The following ANKUB1 variants were observed in gnomAD, a reference collection of about 807,000 sequenced individuals.
ANKUB1 encodes the protein ankyrin repeat and ubiquitin domain containing 1, also known as protein ANKUB1.
ANKUB1 carries 42 observed loss-of-function variants against 49.3 expected under a neutral mutation model. That is an observed-to-expected ratio of 0.85 (90% confidence interval 0.67 to 1.10). ANKUB1 has a LOEUF of 1.10. Among genes scored for constraint, ANKUB1 ranks in the 50% least tolerant of loss-of-function variants. ANKUB1 has a pLI of 0.00. For missense variants in ANKUB1, 613 were observed against 642.0 expected (o/e 0.95, Z 0.49); for synonymous variants, 222 against 231.0 (o/e 0.96, Z 0.35).
chr3:149,772,828 C>G (rs187705128), intron 3 of ANKUB1, among the ~76,000 whole-genome samples: 3 of 152,350 alleles, frequency 2.0e-5, no homozygotes, highest in Admixed American at 2.0e-4. Flanking sequence ...GCCCTCCTAA[C>G]CGAGCAGGTT....
At chr3:149,762,347 T>A (rs775303708) in intron 5 of ANKUB1, among the ~76,000 whole-genome samples, 69 of 152,226 alleles carry the variant, frequency 4.5e-4, no homozygotes, top group Admixed American at 1.0e-3. Flanking sequence ...AACATATCTT[T>A]ATCTTCTTCC....
At chr3:149,769,283 C>T (rs376759150) in intron 4 of ANKUB1, among the ~76,000 whole-genome samples, 61 of 152,230 alleles carry the variant, frequency 4.0e-4, no homozygotes, top group African/African-American at 1.5e-3. Context: ...TTAAAATGAC[C>T]GCCTGCCTCT....
chr3:149,790,510 G>T (rs369950483), intron 2 of ANKUB1, among the ~76,000 whole-genome samples: 4 of 152,140 alleles, frequency 2.6e-5, no homozygotes, highest in African/African-American at 9.6e-5. Context: ...TTTTCATATC[G>T]GTTCTGAGAT....
chr3:149,787,707 A>G, intron 2 of ANKUB1, among the ~76,000 whole-genome samples: 1 of 152,232 alleles, frequency 6.6e-6, no homozygotes, highest in Non-Finnish European at 1.5e-5. Flanking sequence ...CCATTAAAAG[A>G]AAAGCGTAAT....
intron 3 of ANKUB1, among the ~76,000 whole-genome samples, chr3:149,776,814 C>T (rs1039049284): frequency 3.3e-5 from 5 of 151,628 alleles, no homozygotes; most frequent in African/African-American, 1.2e-4. Context: ...TACACACACA[C>T]ACACACACAC....
rs11268295 is a variant in ANKUB1 at position 149,766,817 on chromosome 3, AAGCAGCAGCAGCAGCAGC to A, written c.1505+322_1505+339del. The A allele has an allele frequency of 2.7e-3, 2,455 of 900,800 alleles. 81 individuals carry two copies. The highest frequency in any genetic ancestry group is 0.015 in the African/African-American group (892 of 59,174). The allele number at this position is 900,800 out of a possible 1,614,324, so 55.8% of individuals were successfully genotyped here. ...TGTCTCAAACAAAAAGAAAAAAGAA[AAGCAGCAGCAGCAGCAGC>A]AGCAGCAGCAGCAGCAGCAGCAGCA... On this transcript the variant is annotated intron_variant, in intron 5 of 5. Transcript: ENST00000446160.
intron 2 of ANKUB1, among the ~76,000 whole-genome samples, chr3:149,784,149 A>G (rs2108278156): frequency 6.6e-6 from 1 of 152,302 alleles, no homozygotes; most frequent in Middle Eastern, 3.4e-3. Context: ...CAGTTAACTC[A>G]ATCTCTCAGC....
At position 149,767,225 on chromosome 3, in the gene ANKUB1, G is replaced by A. The variant is rs1717066889; in HGVS notation, c.1437C>T (p.Phe479=). The A allele has an allele frequency of 6.4e-6, 10 of 1,550,666 alleles. No individual in the cohort carries two copies. In the South Asian group the frequency reaches 9.6e-5, roughly 15 times the overall value. Residue 479 remains phenylalanine, a synonymous_variant, in exon 5 of 6, where the codon TTC becomes TTT. Coordinates refer to ENST00000446160, the MANE Select transcript of ANKUB1 (RefSeq NM_001144960.3). ...PSADFLLKSS[F]SSFLEHSGKT... Reference sequence around the variant, plus strand: ...TCCCACTGTGCTCTAAGAAAGATGAGAAGGAGGACTTCAGTAAAAAGTCAG... The same window carrying A: ...TCCCACTGTGCTCTAAGAAAGATGAAAAGGAGGACTTCAGTAAAAAGTCAG...
intron 4 of ANKUB1, among the ~76,000 whole-genome samples, chr3:149,769,177 TA>T (rs1717213382): frequency 6.6e-6 from 1 of 152,172 alleles, no homozygotes; most frequent in Non-Finnish European, 1.5e-5. Context: ...AAAACATGAT[TA>T]AATCACCCAT....
intron 3 of ANKUB1, among the ~76,000 whole-genome samples, chr3:149,774,794 G>A (rs1401901929): frequency 6.6e-6 from 1 of 152,202 alleles, no homozygotes; most frequent in Admixed American, 6.5e-5. Context: ...CTGTTTATTA[G>A]ATTTTCCTTT....
At chr3:149,774,463 A>G (rs1406918290) in intron 3 of ANKUB1, among the ~76,000 whole-genome samples, 1 of 152,144 alleles carries the variant, frequency 6.6e-6, no homozygotes, top group East Asian at 1.9e-4. Context: ...CCCCTGCTGG[A>G]TGTCTATAGA....
chr3:149,762,697 T>C (rs887826228), intron 5 of ANKUB1, among the ~76,000 whole-genome samples: 2 of 152,232 alleles, frequency 1.3e-5, no homozygotes, highest in Non-Finnish European at 2.9e-5. Context: ...TGGAACTTAC[T>C]TCATGAAAAA....
chr3:149,767,711 T>C lies in ANKUB1; in HGVS notation c.951A>G (p.Lys317=), dbSNP rs1244031360. 1.9e-6 allele frequency: 3 copies of C among 1,551,650 alleles called. No individual in the cohort carries two copies. The South Asian group carries it at 3.6e-5, about 18-fold the overall frequency. Reference sequence around the variant, plus strand: ...GACTCTGAGCTCTGAGGATCCATTGTTTTATTTTAATATAAATCCTCATTG... The same window carrying C: ...GACTCTGAGCTCTGAGGATCCATTGCTTTATTTTAATATAAATCCTCATTG... ...SVPMRIYIKI[K]QWILRAQSHS... is the part of the protein sequence containing the mutation. The change falls in exon 5 of 6, where the codon AAA becomes AAG. Residue 317 remains lysine, a synonymous_variant. Transcript: ENST00000446160.
chr3:149,773,098 T>C (rs1717437231), intron 3 of ANKUB1, among the ~76,000 whole-genome samples: 2 of 152,196 alleles, frequency 1.3e-5, no homozygotes, highest in Admixed American at 1.3e-4. Flanking sequence ...TTTAGGATTC[T>C]TTCTAATTCC....
At position 149,776,804 on chromosome 3, in the gene ANKUB1, T is replaced by TACACAC. The variant is rs35734266; in HGVS notation, c.451+3429_451+3434dup. On this transcript the variant is annotated intron_variant, in intron 3 of 5. Coordinates refer to ENST00000446160, the MANE Select transcript of ANKUB1 (RefSeq NM_001144960.3). Reference sequence around the variant, plus strand: ...GGTGAAACCCTGTCTCTATAAAAAATACACACACACACACACACACAAATT... The same window carrying TACACAC: ...GGTGAAACCCTGTCTCTATAAAAAATACACACACACACACACACACACACACAAATT... Among the ~76,000 whole-genome samples, 544 of 149,598 alleles carry TACACAC rather than the reference T, an allele frequency of 3.6e-3. 3 individuals carry two copies. Among genetic ancestry groups the TACACAC allele is most frequent in the African/African-American group, 0.013 (529 of 40,764 alleles).
At chr3:149,764,700 C>T (rs1457452718) in intron 5 of ANKUB1, among the ~76,000 whole-genome samples, 2 of 147,544 alleles carry the variant, frequency 1.4e-5, no homozygotes, top group East Asian at 4.0e-4. Context: ...TTCTTTCTTC[C>T]TCTCTTTCTC....
In ANKUB1 at chr3:149,767,387, T is replaced by C; in HGVS notation, c.1275A>G (p.Gln425=). 2 of 1,551,420 alleles carry C rather than the reference T, an allele frequency of 1.3e-6. No individual in the cohort carries two copies. The highest frequency in any genetic ancestry group is 1.7e-6 in the Non-Finnish European group (2 of 1,146,940). ...CTGTGGCAGTAATTTTTTTCTGATTTTGTTGTTGATGTTTTTGTAATTCAG... is the reference window on the plus strand; with the variant it reads ...CTGTGGCAGTAATTTTTTTCTGATTCTGTTGTTGATGTTTTTGTAATTCAG... ...SFSELQKHQQ[Q]NQKKITATAR... Residue 425 remains glutamine, a synonymous_variant, in exon 5 of 6, where the codon CAA becomes CAG. Coordinates refer to ENST00000446160, the MANE Select transcript of ANKUB1 (RefSeq NM_001144960.3).
intron 1 of ANKUB1, 29 bp downstream of exon 1, chr3:149,792,247 AT>A: frequency 2.1e-6 from 3 of 1,426,582 alleles, no homozygotes; most frequent in Non-Finnish European, 2.8e-6. Flanking sequence ...ATTAATATAC[AT>A]TTTGGTGGTT....
chr3:149,779,606 C>T (rs1717761517), intron 3 of ANKUB1: 1 of 152,332 alleles, frequency 6.6e-6, no homozygotes, highest in Non-Finnish European at 1.5e-5. Flanking sequence ...TAATCAGCAA[C>T]ATTTTAAGAT....
Sources: gnomAD v4.1 joint callset for allele counts (sites outside exome capture counted in the v4.1 genomes callset) on GRCh38, gnomAD v4.1.1 for gene constraint, MANE v1.5 for transcripts, NCBI Gene and HGNC (gene_info 2026-07-23, HGNC 2026-07-21) for gene names.